GTF2F2: variants seen among roughly 807,000 people sequenced by gnomAD.
GTF2F2 encodes the protein general transcription factor IIF subunit 2.
A neutral mutation model predicts 42.2 loss-of-function variants in GTF2F2; 23 were observed. That is an observed-to-expected ratio of 0.55 (90% CI 0.39 to 0.77). The LOEUF (loss-of-function observed/expected upper bound fraction) is 0.77. Ranked by LOEUF, GTF2F2 falls within the 30% of genes least tolerant of loss-of-function variation. GTF2F2 has a pLI of 0.00. For synonymous variants in GTF2F2, 105 were observed against 100.8 expected (o/e 1.04, Z -0.25); for missense variants, 261 against 287.2 (o/e 0.91, Z 0.66).
chr13:45,267,325 ACAT>A lies in GTF2F2; in HGVS notation c.582_584del (p.His194del). 22 of 1,610,964 alleles carry A rather than the reference ACAT, an allele frequency of 1.4e-5. No homozygotes were observed. The highest frequency in any genetic ancestry group is 1.9e-5 in the Non-Finnish European group (22 of 1,177,234). On this transcript the variant is annotated inframe_deletion, in exon 7 of 8. Transcript: ENST00000340473. The stretch of plus-strand genomic sequence containing the variant: ...ACATGCTATTTTCAGCCTTTGAGAA[ACAT>A]CAATACTATAATCTTAAGGACTTGG...
chr13:45,277,812 C>T (rs1877098510), intron 7 of GTF2F2, among the ~76,000 whole-genome samples: 1 of 152,110 alleles, frequency 6.6e-6, no homozygotes, highest in African/African-American at 2.4e-5. Flanking sequence ...TTATAAAAAG[C>T]ATATAGTGCA....
chr13:45,208,692 C>T (rs1314093228), intron 5 of GTF2F2, among the ~76,000 whole-genome samples: 1 of 152,172 alleles, frequency 6.6e-6, no homozygotes, highest in African/African-American at 2.4e-5. Flanking sequence ...TTTGCATCAT[C>T]TTTAAAAGTT....
chr13:45,177,001 G>A (rs1871912059), intron 4 of GTF2F2, among the ~76,000 whole-genome samples: 1 of 152,008 alleles, frequency 6.6e-6, no homozygotes, highest in Admixed American at 6.6e-5. Flanking sequence ...TGTTGGTCAT[G>A]CTGGTTTTGA....
intron 2 of GTF2F2, among the ~76,000 whole-genome samples, chr13:45,140,553 G>T (rs1396768816): frequency 6.6e-6 from 1 of 152,110 alleles, no homozygotes; most frequent in Non-Finnish European, 1.5e-5. Flanking sequence ...AGATAATATG[G>T]AAATAGTTAT....
chr13:45,158,049 T>G (rs954691030), intron 4 of GTF2F2, among the ~76,000 whole-genome samples: 2 of 152,258 alleles, frequency 1.3e-5, no homozygotes, highest in Admixed American at 1.3e-4. Context: ...TTTGGTCATT[T>G]TGTTGTTTCT....
chr13:45,233,289 A>C (rs185221954), intron 5 of GTF2F2, among the ~76,000 whole-genome samples: 77 of 152,316 alleles, frequency 5.1e-4, no homozygotes, highest in African/African-American at 1.8e-3. Flanking sequence ...AGAATGAATT[A>C]AATCCATAGA....
At chr13:45,200,877 G>A (rs903154988) in intron 4 of GTF2F2, among the ~76,000 whole-genome samples, 1 of 152,172 alleles carries the variant, frequency 6.6e-6, no homozygotes, top group African/African-American at 2.4e-5. Flanking sequence ...TGTCGACACA[G>A]GTGTGATGTA....
chr13:45,147,467 G>A (rs916053045), intron 2 of GTF2F2, among the ~76,000 whole-genome samples: 8 of 152,204 alleles, frequency 5.3e-5, no homozygotes, highest in Non-Finnish European at 1.0e-4. Flanking sequence ...CTAGAGAGGG[G>A]ACTGTGGTGA....
chr13:45,256,471 C>T (rs1050083240), intron 6 of GTF2F2, among the ~76,000 whole-genome samples: 19 of 152,140 alleles, frequency 1.2e-4, no homozygotes, highest in Middle Eastern at 3.4e-3. Context: ...AAGATATCAA[C>T]CTTTGTTAAG....
chr13:45,232,260 C>T (rs1446406415), intron 5 of GTF2F2, among the ~76,000 whole-genome samples: 1 of 152,090 alleles, frequency 6.6e-6, no homozygotes, highest in African/African-American at 2.4e-5. Context: ...ATTTCTTAAC[C>T]ATCTTGGGTG....
At chr13:45,242,022 C>A (rs934600634) in intron 5 of GTF2F2, among the ~76,000 whole-genome samples, 1 of 152,154 alleles carries the variant, frequency 6.6e-6, no homozygotes, top group African/African-American at 2.4e-5. Flanking sequence ...AAAATTTCCT[C>A]ATTGCCACTT....
chr13:45,168,235 G>A (rs1371068574), intron 4 of GTF2F2, among the ~76,000 whole-genome samples: 1 of 152,242 alleles, frequency 6.6e-6, no homozygotes, highest in African/African-American at 2.4e-5. Context: ...GGTGCTGTCA[G>A]TGTTCGCCCA....
At chr13:45,229,826 C>G (rs1275326678) in intron 5 of GTF2F2, among the ~76,000 whole-genome samples, 1 of 152,092 alleles carries the variant, frequency 6.6e-6, no homozygotes, top group Non-Finnish European at 1.5e-5. Flanking sequence ...CTCTCCCCTG[C>G]CCCCATACTT....
At chr13:45,261,443 A>AAAAAAAAAAC (rs774449019) in intron 6 of GTF2F2, among the ~76,000 whole-genome samples, 2 of 146,432 alleles carry the variant, frequency 1.4e-5, no homozygotes, top group Non-Finnish European at 1.5e-5. Flanking sequence ...AAAAAAAAAA[A>AAAAAAAAAAC]AGAATAATTT....
chr13:45,260,175 G>A (rs1019738481), intron 6 of GTF2F2, among the ~76,000 whole-genome samples: 3 of 152,190 alleles, frequency 2.0e-5, no homozygotes, highest in Non-Finnish European at 2.9e-5. Context: ...GCAGCCGACT[G>A]TGTTAGTCTG....
intron 6 of GTF2F2, among the ~76,000 whole-genome samples, chr13:45,253,394 A>G (rs1714415018): frequency 6.6e-6 from 1 of 152,230 alleles, no homozygotes; most frequent in Non-Finnish European, 1.5e-5. Context: ...GTCATGGAAC[A>G]GCAGTAATTT....
intron 4 of GTF2F2, among the ~76,000 whole-genome samples, chr13:45,200,565 A>AT (rs1183058167): frequency 6.6e-6 from 1 of 152,152 alleles, no homozygotes; most frequent in Non-Finnish European, 1.5e-5. Context: ...AAGTGTTGGG[A>AT]TTACAGATGT....
intron 6 of GTF2F2, among the ~76,000 whole-genome samples, chr13:45,266,721 T>G (rs1370962186): frequency 1.3e-5 from 2 of 152,160 alleles, no homozygotes; most frequent in Non-Finnish European, 2.9e-5. Context: ...ATAATGAAAG[T>G]GACTGGAATT....
intron 4 of GTF2F2, among the ~76,000 whole-genome samples, chr13:45,199,749 T>G (rs963475700): frequency 1.3e-5 from 2 of 152,226 alleles, no homozygotes; most frequent in African/African-American, 2.4e-5. Flanking sequence ...GGCATAACTT[T>G]GAAAACTCTT....
Sources: gnomAD v4.1 joint callset for allele counts (sites outside exome capture counted in the v4.1 genomes callset) on GRCh38, gnomAD v4.1.1 for gene constraint, MANE v1.5 for transcripts, NCBI Gene and HGNC (gene_info 2026-07-23, HGNC 2026-07-21) for gene names.